Variants in NKTR observed in about 807,000 individuals in gnomAD.
NKTR encodes natural killer cell triggering receptor, also known as NK-tumor recognition protein.
Under a neutral mutation model 156.3 loss-of-function variants are expected in NKTR, and 67 were observed. That is an observed-to-expected ratio of 0.43 (90% CI 0.35 to 0.53). The LOEUF (loss-of-function observed/expected upper bound fraction) is 0.53. NKTR is among the 20% of genes least tolerant of loss of function. NKTR has a pLI of 0.01. For synonymous variants in NKTR, 640 were observed against 596.6 expected (o/e 1.07, Z -1.06); for missense variants, 1,604 against 1,730.9 (o/e 0.93, Z 1.30).
intron 10 of NKTR, 103 bp from the exon 11 acceptor site, chr3:42,634,510 G>T (rs978531326): frequency 5.3e-6 from 3 of 568,230 alleles, no homozygotes; most frequent in African/African-American, 3.8e-5. Flanking sequence ...TTGCAAAATG[G>T]CATGTATCTT....
In NKTR at chr3:42,637,923, G is replaced by A; in HGVS notation, c.2219G>A (p.Arg740Lys). Residue 740 changes from arginine (R) to lysine (K), a missense_variant, in exon 13 of 17, where the codon AGA (arginine) becomes AAA (lysine). Around this residue, in one of 6 missense-constraint regions of NKTR, gnomAD observed 1,255 missense variants for 1,243.7 expected, o/e 1.01. Transcript: ENST00000232978. ...NKYSDHSQCS[R>K]SSSYTSISSD... ...TACAGTGATCATTCACAGTGTAGTAGATCATCTTCATATACTTCTATTAGC... is the reference window on the plus strand; with the variant it reads ...TACAGTGATCATTCACAGTGTAGTAAATCATCTTCATATACTTCTATTAGC... 6.2e-7 allele frequency: 1 copy of A among 1,613,938 alleles called. No homozygotes were observed. Among genetic ancestry groups the A allele is most frequent in the Non-Finnish European group, 8.5e-7 (1 of 1,179,866 alleles).
chr3:42,630,802 TTC>T, intron 7 of NKTR: 2 of 1,352,014 alleles, frequency 1.5e-6, no homozygotes, highest in Non-Finnish European at 1.9e-6. Context: ...AGCAATATAA[TTC>T]TTTTTATTTT....
intron 2 of NKTR, among the ~76,000 whole-genome samples, chr3:42,608,771 C>G (rs192589148): frequency 6.6e-6 from 1 of 152,190 alleles, no homozygotes; most frequent in Non-Finnish European, 1.5e-5. Flanking sequence ...TGCCAAGAGT[C>G]TCTTCTTTGG....
chr3:42,643,640 A>T (rs1300419349), intron 15 of NKTR: 12 of 640,984 alleles, frequency 1.9e-5, no homozygotes, highest in Non-Finnish European at 3.4e-5. Flanking sequence ...GCCTACAGAG[A>T]TCCACCAGGT....
Position 42,613,534 on chromosome 3 carries a change from A to T in NKTR, c.59-4036A>T, listed in dbSNP as rs183042252. Among the ~76,000 whole-genome samples, 16 of 152,230 alleles carry T rather than the reference A, an allele frequency of 1.1e-4. No individual in the cohort carries two copies. The East Asian group carries it at 3.1e-3, about 29-fold the overall frequency. On this transcript the variant is annotated intron_variant, in intron 2 of 16. Coordinates refer to ENST00000232978, the MANE Select transcript of NKTR (RefSeq NM_005385.4). ...TGCAACATTTTTCTAATTGATGCTC[A>T]CTTTTCCAACTACCATATCATCTAT...
chr3:42,621,108 A>G, intron 5 of NKTR: 1 of 988,330 alleles, frequency 1.0e-6, no homozygotes, highest in Non-Finnish European at 1.2e-6. Flanking sequence ...TTTTTCTAAA[A>G]TTTTATTAGT....
At position 42,644,062 on chromosome 3, in the gene NKTR, G is replaced by A. The variant is rs923766474; in HGVS notation, c.4301+59G>A. On this transcript the variant is annotated intron_variant, in intron 16 of 16. Transcript: ENST00000232978. ...CTGTAGGCCACGGTGGGCACTTGAT[G>A]TGGGAGGGTGATGGGCTGCTAGTGG... The A allele has an allele frequency of 1.6e-5, 17 of 1,064,062 alleles. No individual in the cohort carries two copies. The Admixed American group carries it at 3.0e-4, about 19-fold the overall frequency. The allele number at this position is 1,064,062 out of a possible 1,614,324, so 65.9% of individuals were successfully genotyped here.
Position 42,618,952 on chromosome 3 carries a change from T to C in NKTR, c.134-68T>C, listed in dbSNP as rs375459247. On this transcript the variant is annotated intron_variant, in intron 3 of 16. Transcript: ENST00000232978. ...AAAGATTTGACACAGGATTAATTGG[T>C]TTGTTCTTTCCATGGAAGGATGTAT... 7.5e-5 allele frequency: 99 copies of C among 1,327,906 alleles called. No homozygotes were observed. In the East Asian group the frequency reaches 1.5e-3, roughly 20 times the overall value. The allele number at this position is 1,327,906 out of a possible 1,614,324, so 82.3% of individuals were successfully genotyped here.
Position 42,633,859 on chromosome 3 carries a change from G to A in NKTR, c.929+124G>A, listed in dbSNP as rs530969885. 66 of 1,038,140 alleles carry A rather than the reference G, an allele frequency of 6.4e-5. No individual in the cohort carries two copies. The African/African-American group carries it at 9.6e-4, about 15-fold the overall frequency. 64.3% of individuals were successfully genotyped at this position (1,038,140 alleles called of 1,614,324 possible). A position where few individuals can be genotyped will look rare whatever the true frequency, so the allele number is the denominator to read the frequency against. ...TTGAAGCACATTGAAAGATAGTATG[G>A]GAGTATTAGATTAATGAATGATACG... On this transcript the variant is annotated intron_variant, in intron 10 of 16. Transcript: ENST00000232978.
At chr3:42,627,974 A>G (rs1171558067) in intron 6 of NKTR, 14 of 985,194 alleles carry the variant, frequency 1.4e-5, no homozygotes, top group Non-Finnish European at 1.6e-5. Flanking sequence ...TGGATTGTGG[A>G]TATTATTTCT....
chr3:42,635,682 G>T (rs1322771472), intron 12 of NKTR, among the ~76,000 whole-genome samples: 1 of 151,678 alleles, frequency 6.6e-6, no homozygotes, highest in Non-Finnish European at 1.5e-5. Flanking sequence ...CACTTTGGGA[G>T]GCCGAGGCAG....
Position 42,637,270 on chromosome 3 carries a change from A to G in NKTR, c.1566A>G (p.Lys522=), listed in dbSNP as rs766102826. 15 of 1,613,646 alleles carry G rather than the reference A, an allele frequency of 9.3e-6. No individual in the cohort carries two copies. In the Admixed American group the frequency reaches 1.3e-4, roughly 14 times the overall value. ...CCAGCAGAGACTCATACAGATCAAA[A>G]TCTCACTCACAGTCTTATTCTAGAG... The part of the protein sequence containing the change: ...THSSRDSYRS[K]SHSQSYSRGS... The change falls in exon 13 of 17, where the codon AAA becomes AAG. Residue 522 remains lysine, a synonymous_variant. Transcript: ENST00000232978.
At chr3:42,643,195 A>G in intron 14 of NKTR, 144 bp from the exon 15 acceptor site, 1 of 666,270 alleles carries the variant, frequency 1.5e-6, no homozygotes, top group Non-Finnish European at 2.6e-6. Flanking sequence ...AATCCAATAT[A>G]CTTTTGATAT....
At position 42,639,700 on chromosome 3, in the gene NKTR, C is replaced by T. The variant is rs747630851; in HGVS notation, c.3996C>T (p.Val1332=). 6.2e-7 allele frequency: 1 copy of T among 1,612,678 alleles called. No homozygotes were observed. The highest frequency in any genetic ancestry group is 1.1e-5 in the South Asian group (1 of 90,826). Residue 1332 remains valine (V), a synonymous_variant, in exon 13 of 17, where the codon GTC becomes GTT. Transcript: ENST00000232978. The part of the protein sequence containing the change: ...ETKSRHRTRS[V]SYSHSRSRSR... ...AATCAAGACACAGAACAAGGTCTGTCTCCTATAGTCACTCAAGAAGTCGAT... is the reference window on the plus strand; with the variant it reads ...AATCAAGACACAGAACAAGGTCTGTTTCCTATAGTCACTCAAGAAGTCGAT...
rs1415266396 is a variant in NKTR, at chr3:42,632,703, A to G, written c.653A>G (p.His218Arg). Residue 218 changes from histidine to arginine, a missense_variant, in exon 9 of 17, where the codon CAT (histidine) becomes CGT (arginine). By Grantham distance (29) the His-to-Arg change is conservative. Coordinates refer to ENST00000232978, the MANE Select transcript of NKTR (RefSeq NM_005385.4). ...SESSSESELE[H>R]ERSRRRKHKR... ...TCATCTTCAGAAAGTGAACTTGAAC[A>G]TGAGAGAAGCAGAAGGAGGAAACAT... 1 of 1,613,882 alleles carries G rather than the reference A, an allele frequency of 6.2e-7. No individual in the cohort carries two copies. Among genetic ancestry groups the G allele is most frequent in the East Asian group, 2.2e-5 (1 of 44,874 alleles).
At position 42,601,048 on chromosome 3, in the gene NKTR, G is replaced by C; in HGVS notation, c.42G>C (p.Glu14Asp). ...QDRPQCHFDI[E>D]INREPVGRIM... ...GGCCGCAGTGCCACTTCGACATCGA[G>C]ATCAACCGGGAGCCGGGTGAGCTGG... The change falls in exon 2 of 17, where the codon GAG (glutamate) becomes GAC (aspartate). Residue 14 changes from glutamate (E) to aspartate (D), a missense_variant. This residue lies in a region of NKTR where 73 missense variants were observed against 90.7 expected (regional missense o/e 0.80). Coordinates refer to ENST00000232978, the MANE Select transcript of NKTR (RefSeq NM_005385.4). The C allele has an allele frequency of 6.3e-7, 1 of 1,581,134 alleles. No homozygotes were observed. Among genetic ancestry groups the C allele is most frequent in the Non-Finnish European group, 8.6e-7 (1 of 1,166,724 alleles).
intron 11 of NKTR, 67 bp from the exon 12 acceptor site, chr3:42,635,150 CTTAA>C: frequency 2.5e-6 from 3 of 1,181,968 alleles, no homozygotes. Context: ...GGGTCTTTTA[CTTAA>C]CTCTGTCACA....
intron 6 of NKTR, among the ~76,000 whole-genome samples, chr3:42,626,843 T>C (rs2125796206): frequency 6.6e-6 from 1 of 152,322 alleles, no homozygotes; most frequent in East Asian, 1.9e-4. Context: ...TATATTTATG[T>C]ATGTATGCAA....
intron 2 of NKTR, among the ~76,000 whole-genome samples, chr3:42,615,905 CCTGCTTGAAAAT>C (rs6147795): frequency 0.17 from 25,971 of 151,834 alleles, 2,652 homozygotes; most frequent in African/African-American, 0.29. Context: ...TACACTGCTC[CCTGCTTGAAAAT>C]CTTGAGTCCT....
Sources: allele counts gnomAD v4.1 joint callset (sites outside exome capture counted in the v4.1 genomes callset), GRCh38; gene constraint gnomAD v4.1.1; regional missense constraint gnomAD v4.1.1; transcripts MANE v1.5; gene names NCBI Gene and HGNC (gene_info 2026-07-23, HGNC 2026-07-21).